The following SATB2 variants were observed in gnomAD, a reference collection of about 807,000 sequenced individuals.
SATB2 encodes DNA-binding protein SATB2.
A neutral mutation model predicts 73.4 loss-of-function variants in SATB2; 1 was observed. The ratio of observed to expected loss-of-function variants is 0.01; its 90% CI spans 0.00 to 0.06. The LOEUF (loss-of-function observed/expected upper bound fraction) is 0.06. SATB2 is among the 10% of genes least tolerant of loss of function. The probability of loss-of-function intolerance (pLI) is 1.00; values close to 1 mark genes in which losing one functional copy is unlikely to be tolerated. For missense variants in SATB2, 459 were observed against 945.8 expected (o/e 0.49, Z 6.75); for synonymous variants, 397 against 367.0 (o/e 1.08, Z -0.93).
At chr2:199,388,255 G>C (rs1231447930) in intron 3 of SATB2, among the ~76,000 whole-genome samples, 1 of 152,146 alleles carries the variant, frequency 6.6e-6, no homozygotes, top group Non-Finnish European at 1.5e-5. Flanking sequence ...AAGATGCAAA[G>C]ATAACCTCAA....
chr2:199,467,748 C>A (rs1692621504), upstream of SATB2, among the ~76,000 whole-genome samples: 1 of 152,172 alleles, frequency 6.6e-6, no homozygotes, highest in African/African-American at 2.4e-5. Context: ...CCGCAATATA[C>A]CCCTCCCAGC....
intron 5 of SATB2, among the ~76,000 whole-genome samples, chr2:199,375,347 G>T (rs932114407): frequency 1.3e-4 from 20 of 152,190 alleles, no homozygotes; most frequent in African/African-American, 4.8e-4. Context: ...AGGAAGAGGT[G>T]CCAGCACTTA....
intron 3 of SATB2, chr2:199,396,310 T>C (rs543787420): frequency 1.3e-5 from 2 of 152,330 alleles, no homozygotes; most frequent in African/African-American, 4.8e-5. Flanking sequence ...GTCTCCATTA[T>C]CTTTTTGGAA....
chr2:199,316,951 G>A (rs1032977517), intron 9 of SATB2, among the ~76,000 whole-genome samples: 3 of 151,824 alleles, frequency 2.0e-5, no homozygotes, highest in African/African-American at 7.3e-5. Context: ...CAATCAAAAT[G>A]CTTCCAGCAC....
At chr2:199,431,133 A>G (rs1691489601) in intron 3 of SATB2, among the ~76,000 whole-genome samples, 1 of 152,250 alleles carries the variant, frequency 6.6e-6, no homozygotes, top group Non-Finnish European at 1.5e-5. Context: ...CTACCCCCAT[A>G]AAACTTCATG....
intron 3 of SATB2, among the ~76,000 whole-genome samples, chr2:199,411,700 G>A (rs1394269992): frequency 1.3e-5 from 2 of 152,192 alleles, no homozygotes; most frequent in African/African-American, 4.8e-5. Flanking sequence ...AGTCTGGACT[G>A]TATGGCAAGT....
At chr2:199,459,927 A>T (rs980237545), upstream of SATB2, 1 of 152,734 alleles carries the variant, frequency 6.5e-6, no homozygotes, top group South Asian at 2.1e-4. The surrounding 1 kb of genome is among the most constrained non-coding windows in gnomAD (Gnocchi z 4.2). Flanking sequence ...AAAGGGTCCC[A>T]GGAAGGAAAC....
At chr2:199,359,679 G>A (rs1459876465) in intron 6 of SATB2, among the ~76,000 whole-genome samples, 1 of 152,036 alleles carries the variant, frequency 6.6e-6, no homozygotes, top group Admixed American at 6.5e-5. Flanking sequence ...CAGGACTCTG[G>A]GGAGGACAGA....
At chr2:199,342,777 T>C (rs1277367414) in intron 7 of SATB2, among the ~76,000 whole-genome samples, 1 of 152,218 alleles carries the variant, frequency 6.6e-6, no homozygotes. Context: ...GACCTTGTCA[T>C]AAAGTGTGGA....
intron 7 of SATB2, among the ~76,000 whole-genome samples, chr2:199,330,484 A>C (rs868013483): frequency 1.3e-5 from 2 of 152,150 alleles, no homozygotes; most frequent in African/African-American, 4.8e-5. Context: ...GTGTGTGTGC[A>C]TGCATGCATG....
At chr2:199,443,114 C>A (rs1313069019) in intron 2 of SATB2, among the ~76,000 whole-genome samples, 1 of 149,282 alleles carries the variant, frequency 6.7e-6, no homozygotes, top group Non-Finnish European at 1.5e-5. Context: ...TTCTCATCAT[C>A]CTCTCTGGAA....
At chr2:199,357,622 A>G (rs1196731259) in intron 6 of SATB2, among the ~76,000 whole-genome samples, 1 of 152,148 alleles carries the variant, frequency 6.6e-6, no homozygotes, top group Non-Finnish European at 1.5e-5. Context: ...GCTCCTTTAA[A>G]TTCCTATTTT....
intron 3 of SATB2, among the ~76,000 whole-genome samples, chr2:199,399,629 T>G (rs922758821): frequency 2.0e-5 from 3 of 152,200 alleles, no homozygotes; most frequent in Non-Finnish European, 4.4e-5. Context: ...GTTGCTGGCA[T>G]CTGCTCAGCT....
chr2:199,392,157 C>A (rs1690161336), intron 3 of SATB2, among the ~76,000 whole-genome samples: 1 of 152,104 alleles, frequency 6.6e-6, no homozygotes, highest in South Asian at 2.1e-4. Flanking sequence ...GACATCACTG[C>A]CCAGCGTGCC....
chr2:199,393,449 C>G (rs1422180827), intron 3 of SATB2, among the ~76,000 whole-genome samples: 1 of 152,068 alleles, frequency 6.6e-6, no homozygotes, highest in East Asian at 1.9e-4. Context: ...GGAAGACTAG[C>G]CCAAGAGATG....
intron 3 of SATB2, among the ~76,000 whole-genome samples, chr2:199,420,373 A>C (rs1288981236): frequency 1.3e-5 from 2 of 152,200 alleles, no homozygotes; most frequent in Non-Finnish European, 2.9e-5. Context: ...AATGGACATA[A>C]GAATCTAGTG....
intron 3 of SATB2, among the ~76,000 whole-genome samples, chr2:199,408,812 A>G (rs16824454): frequency 0.018 from 2,729 of 152,234 alleles, 84 homozygotes; most frequent in African/African-American, 0.061. Flanking sequence ...GTAAAACAAG[A>G]GCAAATGGTG....
At chr2:199,279,288 G>C (rs1338844505) in intron 10 of SATB2, among the ~76,000 whole-genome samples, 1 of 152,124 alleles carries the variant, frequency 6.6e-6, no homozygotes, top group Non-Finnish European at 1.5e-5. Context: ...AGACCTAATG[G>C]TACCATGACC....
chr2:199,399,979 T>A (rs1338533463), intron 3 of SATB2, among the ~76,000 whole-genome samples: 1 of 152,212 alleles, frequency 6.6e-6, no homozygotes, highest in Non-Finnish European at 1.5e-5. Context: ...ACAAGGATGT[T>A]AAATGGCAGA....
Sources: allele counts gnomAD v4.1 joint callset (sites outside exome capture counted in the v4.1 genomes callset), GRCh38; gene constraint gnomAD v4.1.1; non-coding constraint Gnocchi (gnomAD v3.1); transcripts MANE v1.5; gene names NCBI Gene and HGNC (gene_info 2026-07-23, HGNC 2026-07-21).